TMEM140: variants seen among roughly 807,000 people sequenced by gnomAD.
TMEM140 encodes the protein transmembrane protein 140.
For synonymous variants in TMEM140, 107 were observed against 106.8 expected (o/e 1.00, Z -0.01); for missense variants, 236 against 228.5 (o/e 1.03, Z -0.21).
At position 135,153,646 on chromosome 7, in the gene TMEM140, T is replaced by C. The variant is rs573942176; in HGVS notation, c.-25+5376T>C. ...CCAGCAACCTGGGGTATCATATTTA[T>C]TGATTTGCATATGTTGAACCATCCT... On this transcript the variant is annotated intron_variant, in intron 1 of 1. Coordinates refer to ENST00000275767, the MANE Select transcript of TMEM140 (RefSeq NM_018295.5). Among the ~76,000 whole-genome samples, 45 of 152,344 alleles carry C rather than the reference T, an allele frequency of 3.0e-4. 1 individual carries two copies. The South Asian group carries it at 9.1e-3, about 31-fold the overall frequency.
intron 1 of TMEM140, among the ~76,000 whole-genome samples, chr7:135,160,669 A>G (rs917376752): frequency 8.6e-5 from 13 of 151,572 alleles, no homozygotes; most frequent in Non-Finnish European, 5.9e-5. Context: ...CTGTCCTAAG[A>G]TGTGTAACCA....
At chr7:135,152,961 A>C (rs1469407347) in intron 1 of TMEM140, 5 of 152,192 alleles carry the variant, frequency 3.3e-5, no homozygotes, top group Non-Finnish European at 7.3e-5. Flanking sequence ...AATATCCAGA[A>C]TCTACAAGAA....
intron 1 of TMEM140, among the ~76,000 whole-genome samples, chr7:135,154,336 T>C (rs201465965): frequency 6.6e-6 from 1 of 152,184 alleles, no homozygotes; most frequent in South Asian, 2.1e-4. Flanking sequence ...TGATCCTTTG[T>C]AAATTTTTTG....
chr7:135,154,499 A>C (rs919316976), intron 1 of TMEM140, among the ~76,000 whole-genome samples: 3 of 152,140 alleles, frequency 2.0e-5, no homozygotes, highest in African/African-American at 4.8e-5. Flanking sequence ...TAATGCTATA[A>C]ACTTCCCTCT....
rs1181440213 is a variant in TMEM140, at chr7:135,164,424, C to T, written c.-18C>T. ...TGCTGTGACTTCCCCGCAGGTCCCC[C>T]GGCAGAGGGCAGTAGAGATGGCCGG... is the stretch of plus-strand genomic sequence containing the variant. On this transcript the variant is annotated 5_prime_UTR_variant, in exon 2 of 2. Coordinates refer to ENST00000275767, the MANE Select transcript of TMEM140 (RefSeq NM_018295.5). The T allele has an allele frequency of 4.4e-6, 7 of 1,586,190 alleles. No homozygotes were observed. Among genetic ancestry groups the T allele is most frequent in the African/African-American group, 2.7e-5 (2 of 74,570 alleles).
chr7:135,156,117 G>C (rs1481701466), intron 1 of TMEM140, among the ~76,000 whole-genome samples: 1 of 151,892 alleles, frequency 6.6e-6, no homozygotes, highest in Non-Finnish European at 1.5e-5. Flanking sequence ...TCCTCAATTG[G>C]TCTGATGAGA....
In TMEM140 at chr7:135,164,774, A is replaced by C. The variant is rs377098001; in HGVS notation, c.333A>C (p.Arg111Ser). 46 of 1,614,012 alleles carry C rather than the reference A, an allele frequency of 2.9e-5. No homozygotes were observed. Among genetic ancestry groups the C allele is most frequent in the Non-Finnish European group, 3.5e-5 (41 of 1,180,010 alleles). The change falls in exon 2 of 2, where the codon AGA (arginine) becomes AGC (serine). Residue 111 changes from arginine (R) to serine (S), a missense_variant. Physicochemically the swap from Arg to Ser is moderately radical, Grantham distance 110 (BLOSUM62 -1). Coordinates refer to ENST00000275767, the MANE Select transcript of TMEM140 (RefSeq NM_018295.5). ...TAGCCCAGTGCAACAGTGATGAGAG[A>C]GCGTGGCGGCTGGCAGTGGGCTTCC... ...LLLAQCNSDE[R>S]AWRLAVGFLA...
chr7:135,158,162 G>A (rs1829841406), intron 1 of TMEM140, among the ~76,000 whole-genome samples: 1 of 152,080 alleles, frequency 6.6e-6, no homozygotes, highest in South Asian at 2.1e-4. Flanking sequence ...CCTTGGGCCT[G>A]TGACCAGGAG....
At chr7:135,150,391 C>T (rs1293218141) in intron 1 of TMEM140, among the ~76,000 whole-genome samples, 1 of 152,158 alleles carries the variant, frequency 6.6e-6, no homozygotes, top group Non-Finnish European at 1.5e-5. Context: ...TTAAAAAATA[C>T]ATTTGGTGTT....
At chr7:135,160,517 A>C (rs2117458128) in intron 1 of TMEM140, among the ~76,000 whole-genome samples, 1 of 152,310 alleles carries the variant, frequency 6.6e-6, no homozygotes, top group Admixed American at 6.5e-5. Context: ...TTAGGGAAAG[A>C]AGCGAGGACT....
chr7:135,149,736 G>T (rs1029561639), intron 1 of TMEM140, among the ~76,000 whole-genome samples: 1 of 152,098 alleles, frequency 6.6e-6, no homozygotes, highest in Non-Finnish European at 1.5e-5. Flanking sequence ...TTTACTTGGC[G>T]TATCTTTAAT....
intron 1 of TMEM140, among the ~76,000 whole-genome samples, chr7:135,155,711 C>G (rs1829775572): frequency 6.6e-6 from 1 of 152,094 alleles, no homozygotes; most frequent in Admixed American, 6.5e-5. Context: ...ATTAACCGGG[C>G]ATGGTGGCAC....
chr7:135,158,784 G>A (rs377183308), intron 1 of TMEM140, among the ~76,000 whole-genome samples: 3 of 152,214 alleles, frequency 2.0e-5, no homozygotes, highest in South Asian at 2.1e-4. Context: ...TCCCAGGGGT[G>A]CATGGGAGCA....
Position 135,151,070 on chromosome 7 carries a change from C to T in TMEM140, c.-25+2800C>T, listed in dbSNP as rs1301196263. 6.6e-6 allele frequency among the ~76,000 whole-genome samples: 1 copy of T among 152,208 alleles called. No individual in the cohort carries two copies. The highest frequency in any genetic ancestry group is 1.5e-5 in the Non-Finnish European group (1 of 68,048). On this transcript the variant is annotated intron_variant, in intron 1 of 1. Coordinates refer to ENST00000275767, the MANE Select transcript of TMEM140 (RefSeq NM_018295.5). This position sits in a 1 kb window ranked among gnomAD's most constrained non-coding sequence, Gnocchi z 4.3. ...GGCTTGTCATCTGGGTGCCTGGACT[C>T]ATGCTTCTGACTTTATGTTATAATC...
Position 135,148,181 on chromosome 7 carries a change from A to G in TMEM140, c.-114A>G, listed in dbSNP as rs1314541165. 2.3e-6 allele frequency: 1 copy of G among 432,052 alleles called. No individual in the cohort carries two copies. Among genetic ancestry groups the G allele is most frequent in the South Asian group, 1.6e-5 (1 of 61,946 alleles). 26.8% of individuals were successfully genotyped at this position (432,052 alleles called of 1,614,324 possible). On this transcript the variant is annotated 5_prime_UTR_variant, in exon 1 of 2. Coordinates refer to ENST00000275767, the MANE Select transcript of TMEM140 (RefSeq NM_018295.5). ...TCCTTTCTGGAGTCTGACATTAGAAAGCCAGCGAGAAGGAAGATTCAAACA... is the reference window on the plus strand; with the variant it reads ...TCCTTTCTGGAGTCTGACATTAGAAGGCCAGCGAGAAGGAAGATTCAAACA...
At chr7:135,160,741 A>C (rs1215937034) in intron 1 of TMEM140, among the ~76,000 whole-genome samples, 1 of 151,852 alleles carries the variant, frequency 6.6e-6, no homozygotes, top group African/African-American at 2.4e-5. Flanking sequence ...CATTTAAAAA[A>C]AAAAAACAAA....
chr7:135,149,615 G>A (rs2117419302), intron 1 of TMEM140, among the ~76,000 whole-genome samples: 1 of 152,290 alleles, frequency 6.6e-6, no homozygotes, highest in Non-Finnish European at 1.5e-5. Context: ...CTCCCTGAAA[G>A]TTTGTACAAA....
At chr7:135,152,581 G>A (rs931013449) in intron 1 of TMEM140, among the ~76,000 whole-genome samples, 1 of 152,186 alleles carries the variant, frequency 6.6e-6, no homozygotes, top group Non-Finnish European at 1.5e-5. Flanking sequence ...CACAGGGCCT[G>A]GCATATAGTA....
Position 135,164,831 on chromosome 7 carries a change from C to T in TMEM140, c.390C>T (p.Gly130=), listed in dbSNP as rs1830050098. 9 of 1,614,102 alleles carry T rather than the reference C, an allele frequency of 5.6e-6. No individual in the cohort carries two copies. Among genetic ancestry groups the T allele is most frequent in the Non-Finnish European group, 7.6e-6 (9 of 1,179,932 alleles). ...TGTCCTCTGTGCTGCTGGCAGGCGG[C>T]CTGGGCCTCTTCCTCTCCTATGTGT... ...LAVSSVLLAG[G]LGLFLSYVWK... is the part of the protein sequence containing the mutation. The change falls in exon 2 of 2, where the codon GGC becomes GGT. Residue 130 remains glycine (G), a synonymous_variant. Coordinates refer to ENST00000275767, the MANE Select transcript of TMEM140 (RefSeq NM_018295.5).
Sources: allele counts gnomAD v4.1 joint callset (sites outside exome capture counted in the v4.1 genomes callset), GRCh38; gene constraint gnomAD v4.1.1; non-coding constraint Gnocchi (gnomAD v3.1); transcripts MANE v1.5; gene names NCBI Gene and HGNC (gene_info 2026-07-23, HGNC 2026-07-21).